Variants in TOMM20L observed in about 807,000 individuals in gnomAD.
The protein encoded by TOMM20L is TOMM20-like protein 1.
TOMM20L carries 19 observed loss-of-function variants against 20.4 expected under a neutral mutation model. That is an observed-to-expected ratio of 0.93 (90% CI 0.65 to 1.36). The LOEUF (loss-of-function observed/expected upper bound fraction) is 1.36, where lower values mean the gene tolerates loss of function less well. Ranked by LOEUF, TOMM20L falls within the 40% of genes most tolerant of loss-of-function variation. TOMM20L has a pLI of 0.00. For missense variants in TOMM20L, 218 were observed against 203.7 expected (o/e 1.07, Z -0.43); for synonymous variants, 75 against 79.6 (o/e 0.94, Z 0.30).
At chr14:58,410,920 T>A (rs2036194533), downstream of TOMM20L, 8 of 1,612,482 alleles carry the variant, frequency 5.0e-6, no homozygotes, top group Admixed American at 1.7e-5. Flanking sequence ...TTATTGTAGG[T>A]CCCCAGAAAT....
intron 3 of TOMM20L, among the ~76,000 whole-genome samples, chr14:58,404,502 T>C (rs925064590): frequency 6.6e-6 from 1 of 151,286 alleles, no homozygotes; most frequent in Non-Finnish European, 1.5e-5. Flanking sequence ...TCTGTTGTTG[T>C]TTTTTTTCAA....
Position 58,396,280 on chromosome 14 carries a change from G to C in TOMM20L, c.137-18G>C. 1 of 1,612,908 alleles carries C rather than the reference G, an allele frequency of 6.2e-7. No individual in the cohort carries two copies. ...TGGACGGGCCTCCCAGCCAGCATGT[G>C]CCGTGTTGTGTTCGCAGAAAGAAGA... On this transcript the variant is annotated intron_variant, in intron 1 of 4. Transcript: ENST00000360945.
At chr14:58,402,815 T>C (rs916740459) in intron 3 of TOMM20L, 54 bp downstream of exon 3, 4 of 1,320,854 alleles carry the variant, frequency 3.0e-6, no homozygotes, top group Non-Finnish European at 4.3e-6. Context: ...TTGAGAAATA[T>C]TTATTGATTA....
At chr14:58,411,371 C>T (rs1481433683), downstream of TOMM20L, among the ~76,000 whole-genome samples, 1 of 151,802 alleles carries the variant, frequency 6.6e-6, no homozygotes, top group East Asian at 1.9e-4. Flanking sequence ...TTGCTTGGGC[C>T]CGGGAGATGG....
intron 3 of TOMM20L, among the ~76,000 whole-genome samples, chr14:58,404,115 A>ATTTTTTTT (rs2036026261): frequency 6.6e-5 from 1 of 15,166 alleles, no homozygotes; most frequent in Non-Finnish European, 1.7e-4. Context: ...ATATATATAT[A>ATTTTTTTT]TATATTTTTT....
intron 2 of TOMM20L, among the ~76,000 whole-genome samples, chr14:58,400,686 T>A (rs2035983497): frequency 6.6e-6 from 1 of 152,060 alleles, no homozygotes; most frequent in African/African-American, 2.4e-5. Flanking sequence ...GAGAGCAGCC[T>A]GACCAACATG....
chr14:58,396,432 A>T, intron 2 of TOMM20L, 91 bp downstream of exon 2: 1 of 1,442,432 alleles, frequency 6.9e-7, no homozygotes, highest in Non-Finnish European at 9.6e-7. Context: ...GGCAGCAGGT[A>T]GTTAGTTCCC....
chr14:58,399,517 C>T (rs2035964892), intron 2 of TOMM20L, among the ~76,000 whole-genome samples: 1 of 152,050 alleles, frequency 6.6e-6, no homozygotes. Context: ...CAAGAAACTG[C>T]AGTTTTAACA....
chr14:58,415,075 A>G, the TOMM20L span, among the ~76,000 whole-genome samples: 1 of 152,344 alleles, frequency 6.6e-6, no homozygotes, highest in South Asian at 2.1e-4. Flanking sequence ...GGGAGTTATC[A>G]GTGGAAGCCT....
the TOMM20L span, among the ~76,000 whole-genome samples, chr14:58,413,973 C>G: frequency 7.0e-5 from 9 of 129,182 alleles, no homozygotes; most frequent in Non-Finnish European, 1.2e-4. Context: ...CACCACTGCA[C>G]TCCGGCCTGG....
intron 1 of TOMM20L, 53 bp from the exon 2 acceptor site, chr14:58,396,245 C>A: frequency 3.1e-6 from 5 of 1,608,084 alleles, no homozygotes; most frequent in Non-Finnish European, 4.2e-6. Context: ...ACTGGGCCCA[C>A]GCGTGCCTCT....
intron 2 of TOMM20L, among the ~76,000 whole-genome samples, chr14:58,397,903 C>T (rs573024591): frequency 9.2e-5 from 14 of 152,232 alleles, no homozygotes; most frequent in African/African-American, 3.1e-4. Flanking sequence ...GCTATTGCAG[C>T]AATTTAGTTG....
chr14:58,404,808 G>A (rs2036037139), intron 3 of TOMM20L, among the ~76,000 whole-genome samples: 1 of 152,096 alleles, frequency 6.6e-6, no homozygotes, highest in Non-Finnish European at 1.5e-5. Flanking sequence ...TTTAGATGGA[G>A]TAATTTTTGA....
chr14:58,400,667 CAGG>C (rs1036192395), intron 2 of TOMM20L, among the ~76,000 whole-genome samples: 1 of 151,974 alleles, frequency 6.6e-6, no homozygotes, highest in Non-Finnish European at 1.5e-5. Context: ...ATCACGAGGT[CAGG>C]AGTTTGAGAG....
chr14:58,413,879 C>T, the TOMM20L span, among the ~76,000 whole-genome samples: 45 of 151,506 alleles, frequency 3.0e-4, no homozygotes, highest in African/African-American at 1.1e-3. Context: ...TGGTGGTGGG[C>T]GCCTGGAGTC....
chr14:58,414,736 C>CA, the TOMM20L span, among the ~76,000 whole-genome samples: 17,255 of 117,514 alleles, frequency 0.15, 2,474 homozygotes, highest in African/African-American at 0.36. Flanking sequence ...GACGCCATCT[C>CA]AAAAAAAAAA....
At chr14:58,396,451 C>G in intron 2 of TOMM20L, 110 bp downstream of exon 2, 1 of 1,246,778 alleles carries the variant, frequency 8.0e-7, no homozygotes, top group Non-Finnish European at 1.1e-6. Context: ...CCTCAGCCGC[C>G]CGTGCCCGGG....
Position 58,406,949 on chromosome 14 carries a change from A to G in TOMM20L, c.263-377A>G, listed in dbSNP as rs568182872. Among the ~76,000 whole-genome samples the G allele has an allele frequency of 1.1e-3, 170 of 152,290 alleles. 1 individual carries two copies. Among genetic ancestry groups the G allele is most frequent in the African/African-American group, 3.8e-3 (159 of 41,550 alleles). Reference sequence around the variant, plus strand: ...AGCTGGAACATCAGATGTTTCATCTATAATATTTTTTCAATCACACATGTA... The same window carrying G: ...AGCTGGAACATCAGATGTTTCATCTGTAATATTTTTTCAATCACACATGTA... On this transcript the variant is annotated intron_variant, in intron 3 of 4. Coordinates refer to ENST00000360945, the MANE Select transcript of TOMM20L (RefSeq NM_207377.3).
intron 2 of TOMM20L, among the ~76,000 whole-genome samples, chr14:58,402,384 G>A (rs1412698162): frequency 1.3e-5 from 2 of 152,100 alleles, no homozygotes; most frequent in East Asian, 3.9e-4. Flanking sequence ...TGCCTCCCAG[G>A]TTCAAGCAAT....
Sources: allele counts gnomAD v4.1 joint callset (sites outside exome capture counted in the v4.1 genomes callset), GRCh38; gene constraint gnomAD v4.1.1; transcripts MANE v1.5; gene names NCBI Gene and HGNC (gene_info 2026-07-23, HGNC 2026-07-21).